Variants in SCHIP1 observed in about 807,000 individuals in gnomAD.
SCHIP1 encodes the protein schwannomin-interacting protein 1.
A neutral mutation model predicts 29.7 loss-of-function variants in SCHIP1; 8 were observed. That is an observed-to-expected ratio of 0.27 (90% CI 0.16 to 0.49). The LOEUF (loss-of-function observed/expected upper bound fraction) is 0.49, where lower values mean the gene tolerates loss of function less well. SCHIP1 is among the 20% of genes least tolerant of loss of function. The pLI is 0.99. For missense variants in SCHIP1, 193 were observed against 294.6 expected, an observed-to-expected ratio of 0.66 and a Z score of 2.52; for synonymous variants, 76 against 94.9, an observed-to-expected ratio of 0.80 and a Z score of 1.16.
the SCHIP1 span, among the ~76,000 whole-genome samples, chr3:159,536,839 T>C: frequency 6.6e-6 from 1 of 152,168 alleles, no homozygotes; most frequent in African/African-American, 2.4e-5. Flanking sequence ...AAAACAAAGG[T>C]GATAAATGCA....
the SCHIP1 span, among the ~76,000 whole-genome samples, chr3:159,468,777 A>ATATATATATATATTTTT: frequency 1.6e-5 from 2 of 127,350 alleles, no homozygotes; most frequent in Admixed American, 8.5e-5. Context: ...ATATATATAT[A>ATATATATATATATTTTT]TTTTTTTTAG....
chr3:159,578,939 C>CA, the SCHIP1 span, among the ~76,000 whole-genome samples: 3 of 152,118 alleles, frequency 2.0e-5, no homozygotes, highest in African/African-American at 7.2e-5. Context: ...AGCATATTCA[C>CA]AAGTTTCAGG....
chr3:159,594,058 G>A, the SCHIP1 span, among the ~76,000 whole-genome samples: 31,130 of 152,206 alleles, frequency 0.2, 8,666 homozygotes, highest in African/African-American at 0.63. Flanking sequence ...GCTAACTCCC[G>A]GTTTCCCCTG....
the SCHIP1 span, among the ~76,000 whole-genome samples, chr3:159,748,492 C>G: frequency 6.6e-6 from 1 of 152,176 alleles, no homozygotes; most frequent in Non-Finnish European, 1.5e-5. Context: ...AATGACTTGG[C>G]CTAACTGCCT....
rs1408663863 is a variant in SCHIP1 at position 159,861,999 on chromosome 3, G to A, written c.31-4164G>A. On this transcript the variant is annotated intron_variant, in intron 1 of 6. Coordinates refer to ENST00000445224, the Ensembl canonical transcript of SCHIP1. The surrounding 1 kb of genome is among the most constrained non-coding windows in gnomAD (Gnocchi z 4.1). ...ACACACACATATATTTTACACATGT[G>A]GGCAACTGAAAGAAAATTGGGTTCT... Among the ~76,000 whole-genome samples, 1 of 152,108 alleles carries A rather than the reference G, an allele frequency of 6.6e-6. No individual in the cohort carries two copies. The highest frequency in any genetic ancestry group is 2.4e-5 in the African/African-American group (1 of 41,418).
the SCHIP1 span, among the ~76,000 whole-genome samples, chr3:159,677,768 C>G: frequency 6.6e-6 from 1 of 152,164 alleles, no homozygotes; most frequent in African/African-American, 2.4e-5. Flanking sequence ...TGAGCTGCCT[C>G]TTGATTACAC....
chr3:159,516,946 C>T, the SCHIP1 span, among the ~76,000 whole-genome samples: 2 of 152,140 alleles, frequency 1.3e-5, no homozygotes, highest in African/African-American at 4.8e-5. Context: ...CATTTAGGGG[C>T]AGAAGTAGAT....
chr3:159,887,998 G>T, intron 4 of SCHIP1, 93 bp downstream of exon 5: 1 of 1,512,016 alleles, frequency 6.6e-7, no homozygotes, highest in East Asian at 2.4e-5. Context: ...GCAAACTTGT[G>T]TTTCTCTAAG....
the SCHIP1 span, among the ~76,000 whole-genome samples, chr3:159,791,281 G>A: frequency 1.3e-5 from 2 of 152,154 alleles, no homozygotes; most frequent in African/African-American, 4.8e-5. Flanking sequence ...CAGATTTAAT[G>A]CAAGGAATCA....
chr3:159,639,200 G>A, the SCHIP1 span, among the ~76,000 whole-genome samples: 1 of 152,074 alleles, frequency 6.6e-6, no homozygotes, highest in Admixed American at 6.6e-5. Context: ...AATCATTATT[G>A]TTAAAATTAT....
the SCHIP1 span, among the ~76,000 whole-genome samples, chr3:159,735,631 A>G: frequency 2.0e-5 from 3 of 152,164 alleles, no homozygotes; most frequent in Non-Finnish European, 4.4e-5. Flanking sequence ...AGGTCACTTT[A>G]AGAGTAGGTT....
At chr3:159,537,307 T>G in the SCHIP1 span, among the ~76,000 whole-genome samples, 12 of 152,094 alleles carry the variant, frequency 7.9e-5, no homozygotes, top group South Asian at 2.1e-4. Context: ...CCATCCTGGC[T>G]CTGTGGGTTT....
the SCHIP1 span, among the ~76,000 whole-genome samples, chr3:159,577,500 C>T: frequency 2.6e-5 from 4 of 152,174 alleles, no homozygotes; most frequent in Admixed American, 6.5e-5. Context: ...AGAGAAAGTA[C>T]ACCTGCCTTA....
At chr3:159,344,253 G>A in the SCHIP1 span, among the ~76,000 whole-genome samples, 7 of 151,592 alleles carry the variant, frequency 4.6e-5, no homozygotes, top group Non-Finnish European at 8.8e-5. Context: ...CCCAGGGGGC[G>A]GAGGTTGCGG....
the SCHIP1 span, among the ~76,000 whole-genome samples, chr3:159,558,487 T>C: frequency 6.6e-6 from 1 of 152,118 alleles, no homozygotes; most frequent in African/African-American, 2.4e-5. Flanking sequence ...AATAAGAGAA[T>C]CTGGGGAGAG....
At chr3:159,509,858 C>A in the SCHIP1 span, among the ~76,000 whole-genome samples, 1 of 152,170 alleles carries the variant, frequency 6.6e-6, no homozygotes, top group Admixed American at 6.5e-5. Context: ...GATGGGCTTC[C>A]CTTTGTGGGT....
At chr3:159,886,214 A>G (rs1716949798) in exon 3 of SCHIP1, 1 of 1,614,042 alleles carries the variant, frequency 6.2e-7, no homozygotes, top group African/African-American at 1.3e-5. Flanking sequence ...CAGACTGCAG[A>G]GTGGGATGAA....
At chr3:159,521,376 T>C in the SCHIP1 span, among the ~76,000 whole-genome samples, 13 of 152,204 alleles carry the variant, frequency 8.5e-5, no homozygotes, top group Non-Finnish European at 1.8e-4. Flanking sequence ...TCCATGCAAA[T>C]AACAGGTATA....
the SCHIP1 span, among the ~76,000 whole-genome samples, chr3:159,443,202 G>A: frequency 1.3e-5 from 2 of 152,144 alleles, no homozygotes; most frequent in South Asian, 2.1e-4. Flanking sequence ...AAAGTAAATT[G>A]CTCTTTTTGT....
Sources: gnomAD v4.1 joint callset for allele counts (sites outside exome capture counted in the v4.1 genomes callset) on GRCh38, gnomAD v4.1.1 for gene constraint, Gnocchi (gnomAD v3.1) non-coding constraint, MANE v1.5 for transcripts, NCBI Gene and HGNC (gene_info 2026-07-23, HGNC 2026-07-21) for gene names.